TNFSF11: variants seen among roughly 807,000 people sequenced by gnomAD.
TNFSF11 encodes the protein TNF superfamily member 11.
TNFSF11 carries 12 observed loss-of-function variants against 32.2 expected under a neutral mutation model. The observed-to-expected ratio is 0.37, with a 90% confidence interval of 0.24 to 0.60. TNFSF11 has a LOEUF of 0.60. TNFSF11 is among the 20% of genes least tolerant of loss of function. The pLI is 0.66. For synonymous variants in TNFSF11, 172 were observed against 152.1 expected, an observed-to-expected ratio of 1.13 and a Z score of -0.96; for missense variants, 345 against 398.0, an observed-to-expected ratio of 0.87 and a Z score of 1.13.
At chr13:42,591,969 A>C (rs528602294) in intron 2 of TNFSF11, among the ~76,000 whole-genome samples, 3 of 152,206 alleles carry the variant, frequency 2.0e-5, no homozygotes, top group Non-Finnish European at 4.4e-5. Context: ...AACCTATGGC[A>C]TCCCAGAGCC....
In TNFSF11 at chr13:42,587,082, G is replaced by A. The variant is rs139579217; in HGVS notation, c.387+5789G>A. 8.0e-3 allele frequency among the ~76,000 whole-genome samples: 1,219 copies of A among 152,244 alleles called. 18 individuals are homozygous for A. The highest frequency in any genetic ancestry group is 0.027 in the African/African-American group (1,111 of 41,542). ...TTCCCTCTCACATAACAATCCAGAC[G>A]TGAGTCATCCAGGACCAGTAGGGAT... is the stretch of plus-strand genomic sequence containing the variant. On this transcript the variant is annotated intron_variant, in intron 2 of 4. Transcript: ENST00000398795.
chr13:42,598,178 G>GA (rs984611390), intron 2 of TNFSF11, among the ~76,000 whole-genome samples: 1 of 152,086 alleles, frequency 6.6e-6, no homozygotes, highest in Non-Finnish European at 1.5e-5. Context: ...TGTTTGTATA[G>GA]AAAATCACAA....
rs199503199 is a variant in TNFSF11, at chr13:42,606,719, C to A, written c.755C>A (p.Ser252Tyr). 25 of 1,614,102 alleles carry A rather than the reference C, an allele frequency of 1.5e-5. No homozygotes were observed. The highest frequency in any genetic ancestry group is 5.0e-5 in the Admixed American group (3 of 60,004). Reference protein sequence around the residue: ...VTKTSIKIPSSHTLMKGGSTK... With the variant: ...VTKTSIKIPSYHTLMKGGSTK... ...AAAACCAGCATCAAAATCCCAAGTT[C>A]TCATACCCTGATGAAAGGAGGAAGC... The change falls in exon 5 of 5, where the codon TCT becomes TAT. Residue 252 changes from serine (S) to tyrosine (Y), a missense_variant. Ser to Tyr is a moderately radical substitution (Grantham distance 144, BLOSUM62 -2). Coordinates refer to ENST00000398795, the MANE Select transcript of TNFSF11 (RefSeq NM_003701.4).
At chr13:42,578,919 A>G (rs1260711966) in intron 1 of TNFSF11, among the ~76,000 whole-genome samples, 3 of 152,270 alleles carry the variant, frequency 2.0e-5, no homozygotes, top group Non-Finnish European at 4.4e-5. Context: ...AATCGTTTCA[A>G]TAGCAGAAAA....
chr13:42,564,313 A>G (rs1594452959), intron 1 of TNFSF11, among the ~76,000 whole-genome samples: 1 of 152,160 alleles, frequency 6.6e-6, no homozygotes, highest in East Asian at 1.9e-4. Context: ...CACACCTGTA[A>G]TCCCAGCACT....
intron 1 of TNFSF11, among the ~76,000 whole-genome samples, chr13:42,579,525 G>T (rs752757244): frequency 6.6e-6 from 1 of 151,944 alleles, no homozygotes; most frequent in African/African-American, 2.4e-5. Context: ...TTAACCTAGG[G>T]TCCCCAGGCA....
intron 2 of TNFSF11, among the ~76,000 whole-genome samples, chr13:42,583,818 A>G (rs934451040): frequency 2.0e-5 from 3 of 152,126 alleles, no homozygotes; most frequent in African/African-American, 7.2e-5. Flanking sequence ...GGTGCCAGCT[A>G]ATGTAATTAC....
At chr13:42,600,473 G>A (rs538222664) in intron 2 of TNFSF11, among the ~76,000 whole-genome samples, 9 of 152,190 alleles carry the variant, frequency 5.9e-5, no homozygotes, top group East Asian at 5.8e-4. Context: ...GTTCAATTAC[G>A]CCATGGTTTA....
At chr13:42,592,032 C>T (rs2137887810) in intron 2 of TNFSF11, among the ~76,000 whole-genome samples, 1 of 152,250 alleles carries the variant, frequency 6.6e-6, no homozygotes, top group East Asian at 1.9e-4. Flanking sequence ...TAGGGGATTT[C>T]GGAGTGGTAA....
In TNFSF11 at chr13:42,574,450, C is replaced by G; in HGVS notation, c.147C>G (p.Phe49Leu). The part of the protein sequence containing the change: ...HQPPAASRSM[F>L]VALLGLGLGQ... ...CCCCTGCCGCCTCCCGCTCCATGTT[C>G]GTGGCCCTCCTGGGGCTGGGGCTGG... The change falls in exon 1 of 5, where the codon TTC becomes TTG. Residue 49 changes from phenylalanine (F) to leucine (L), a missense_variant. Coordinates refer to ENST00000398795, the MANE Select transcript of TNFSF11 (RefSeq NM_003701.4). 1 of 1,608,168 alleles carries G rather than the reference C, an allele frequency of 6.2e-7. No individual in the cohort carries two copies. Among genetic ancestry groups the G allele is most frequent in the Non-Finnish European group, 8.5e-7 (1 of 1,179,576 alleles).
In TNFSF11 at chr13:42,600,963, G is replaced by C; in HGVS notation, c.514G>C (p.Ala172Pro). The part of the protein sequence containing the change: ...AQPFAHLTIN[A>P]TDIPSGSHKV... ...GCCTTTTGCTCATCTCACTATTAAT[G>C]CCACCGACATCCCATCTGGTAAGCT... The change falls in exon 4 of 5, where the codon GCC (alanine) becomes CCC (proline). Residue 172 changes from alanine (A) to proline (P), a missense_variant. By Grantham distance (27) the Ala-to-Pro change is conservative. Transcript: ENST00000398795. The C allele has an allele frequency of 6.2e-7, 1 of 1,614,062 alleles. No individual in the cohort carries two copies. Among genetic ancestry groups the C allele is most frequent in the Non-Finnish European group, 8.5e-7 (1 of 1,179,990 alleles).
Position 42,599,382 on chromosome 13 carries a change from A to ATCTG in TNFSF11, c.388-1366_388-1363dup, listed in dbSNP as rs57194427. On this transcript the variant is annotated intron_variant, in intron 2 of 4. Coordinates refer to ENST00000398795, the MANE Select transcript of TNFSF11 (RefSeq NM_003701.4). ...TATCTATCTATCTATCTATCTATCT[A>ATCTG]TCTGTCTATCTCAAAGCCCTCCTCT... Among the ~76,000 whole-genome samples, 319 of 150,748 alleles carry ATCTG rather than the reference A, an allele frequency of 2.1e-3. 5 individuals are homozygous for ATCTG. Among genetic ancestry groups the ATCTG allele is most frequent in the African/African-American group, 7.4e-3 (301 of 40,650 alleles).
intron 4 of TNFSF11, among the ~76,000 whole-genome samples, chr13:42,605,639 C>T (rs1441259080): frequency 6.6e-6 from 1 of 152,208 alleles, no homozygotes; most frequent in African/African-American, 2.4e-5. Context: ...GGTGTCACCT[C>T]ATTTCAGGGG....
chr13:42,590,008 G>A (rs569780524), intron 2 of TNFSF11, among the ~76,000 whole-genome samples: 18 of 152,352 alleles, frequency 1.2e-4, no homozygotes, highest in African/African-American at 4.3e-4. Context: ...GGGGGTAGGT[G>A]CCCCTCCTGG....
chr13:42,572,996 T>C (rs140462155), upstream of TNFSF11, among the ~76,000 whole-genome samples: 370 of 152,322 alleles, frequency 2.4e-3, 2 homozygotes, highest in Middle Eastern at 0.02. Flanking sequence ...TATCATGGCA[T>C]AGTATTTGCA....
At chr13:42,579,704 C>CTTTTTTTTTTTTTTTTT (rs59375842) in intron 1 of TNFSF11, among the ~76,000 whole-genome samples, 11 of 65,504 alleles carry the variant, frequency 1.7e-4, no homozygotes, top group East Asian at 5.2e-4. Context: ...TAAGTAAGCC[C>CTTTTTTTTTTTTTTTTT]TTTTTTTTTT....
At chr13:42,591,635 C>T (rs1868486281) in intron 2 of TNFSF11, among the ~76,000 whole-genome samples, 1 of 152,210 alleles carries the variant, frequency 6.6e-6, no homozygotes, top group South Asian at 2.1e-4. Flanking sequence ...GGGTCACCAG[C>T]TCCATCCAGG....
Position 42,607,116 on chromosome 13 carries a change from T to C in TNFSF11, c.*198T>C. Reference sequence around the variant, plus strand: ...TGGGAGATGTTAGACTCATGGTGTGTTACACAATGGTTTTTAAATTTTGTA... The same window carrying C: ...TGGGAGATGTTAGACTCATGGTGTGCTACACAATGGTTTTTAAATTTTGTA... On this transcript the variant is annotated 3_prime_UTR_variant, in exon 5 of 5. Transcript: ENST00000398795. The C allele has an allele frequency of 1.6e-6, 1 of 638,720 alleles. No homozygotes were observed. The allele number at this position is 638,720 out of a possible 1,614,324, so 39.6% of individuals were successfully genotyped here. A position where few individuals can be genotyped will look rare whatever the true frequency, so the allele number is the denominator to read the frequency against.
intron 2 of TNFSF11, among the ~76,000 whole-genome samples, chr13:42,592,597 A>G (rs1227514867): frequency 6.6e-6 from 1 of 152,210 alleles, no homozygotes; most frequent in Non-Finnish European, 1.5e-5. Flanking sequence ...GCTTCATTAC[A>G]TAGACATAGT....
Sources: gnomAD v4.1 joint callset for allele counts (sites outside exome capture counted in the v4.1 genomes callset) on GRCh38, gnomAD v4.1.1 for gene constraint, MANE v1.5 for transcripts, NCBI Gene and HGNC (gene_info 2026-07-23, HGNC 2026-07-21) for gene names.